CDK14: variants seen among roughly 807,000 people sequenced by gnomAD.
CDK14 encodes the protein cyclin-dependent kinase 14.
CDK14 carries 34 observed loss-of-function variants against 60.7 expected under a neutral mutation model. The observed-to-expected ratio is 0.56, with a 90% CI of 0.43 to 0.75. CDK14 has a LOEUF of 0.75. Ranked by LOEUF, CDK14 falls within the 30% of genes least tolerant of loss-of-function variation. The probability of loss-of-function intolerance (pLI) is 0.00; values close to 1 mark genes in which losing one functional copy is unlikely to be tolerated. For missense variants in CDK14, 482 were observed against 564.1 expected (o/e 0.85, Z 1.47); for synonymous variants, 197 against 203.7 (o/e 0.97, Z 0.28).
intron 14 of CDK14, among the ~76,000 whole-genome samples, chr7:91,125,592 T>A (rs1006670877): frequency 6.6e-6 from 1 of 152,086 alleles, no homozygotes; most frequent in African/African-American, 2.4e-5. Flanking sequence ...AAGAATAATT[T>A]TTCAGCAGTC....
At chr7:90,681,387 G>A (rs368312691) in intron 2 of CDK14, among the ~76,000 whole-genome samples, 8 of 152,260 alleles carry the variant, frequency 5.3e-5, no homozygotes, top group African/African-American at 1.9e-4. Flanking sequence ...AGGCTTGGTG[G>A]AGGTGACTCC....
At chr7:90,823,700 A>G (rs1156605248) in intron 5 of CDK14, among the ~76,000 whole-genome samples, 1 of 152,122 alleles carries the variant, frequency 6.6e-6, no homozygotes, top group Non-Finnish European at 1.5e-5. Flanking sequence ...AGACTGTTTA[A>G]CCTTTCCTCT....
intron 10 of CDK14, among the ~76,000 whole-genome samples, chr7:91,031,354 T>A (rs2115938212): frequency 6.6e-6 from 1 of 152,280 alleles, no homozygotes; most frequent in South Asian, 2.1e-4. Context: ...ATGAATAATA[T>A]TCCCTTTCGA....
intron 2 of CDK14, among the ~76,000 whole-genome samples, chr7:90,722,516 T>C (rs536325365): frequency 1.3e-5 from 2 of 152,324 alleles, no homozygotes; most frequent in South Asian, 4.1e-4. Flanking sequence ...AGTTGATTGT[T>C]TTCTACTTTT....
At position 91,118,122 on chromosome 7, in the gene CDK14, T is replaced by C; in HGVS notation, c.1352T>C (p.Met451Thr). 6.2e-7 allele frequency: 1 copy of C among 1,613,752 alleles called. No individual in the cohort carries two copies. The highest frequency in any genetic ancestry group is 1.1e-5 in the South Asian group (1 of 91,038). Residue 451 changes from methionine to threonine, a missense_variant, in exon 14 of 15, where the codon ATG (methionine) becomes ACG (threonine). Met to Thr is a moderately conservative substitution (Grantham distance 81). Coordinates refer to ENST00000380050, the MANE Select transcript of CDK14 (RefSeq NM_001287135.2). Reference protein sequence around the residue: ...VRLQPEAGESMRAFGKNNSYG... With the variant: ...VRLQPEAGESTRAFGKNNSYG... ...TTGCAACCAGAAGCTGGAGAAAGCA[T>C]GCGGGCCTTTGGGAAAAACAATAGT...
rs1297389220 is a variant in CDK14, at chr7:90,668,697, TTC to T, written c.124-57868_124-57867del. Among the ~76,000 whole-genome samples the T allele has an allele frequency of 9.2e-4, 70 of 76,090 alleles. 1 individual carries two copies. In the South Asian group the frequency reaches 9.4e-3, roughly 10 times the overall value. The allele number at this position is 76,090 out of a possible 152,430, so 49.9% of individuals were successfully genotyped here. On this transcript the variant is annotated intron_variant, in intron 2 of 14. Coordinates refer to ENST00000380050, the MANE Select transcript of CDK14 (RefSeq NM_001287135.2). ...TATATGGTGTAAGGAAGGACTCGCA[TTC>T]TTTTTTTTTTTTTTTTTTTTTTTTT...
intron 2 of CDK14, among the ~76,000 whole-genome samples, chr7:90,719,625 G>A (rs938276843): frequency 4.6e-5 from 7 of 152,146 alleles, no homozygotes; most frequent in African/African-American, 1.7e-4. Context: ...TTAATAATGA[G>A]TAGACCAAAT....
intron 6 of CDK14, 76 bp from the exon 7 acceptor site, chr7:90,899,215 G>T (rs1054705213): frequency 3.2e-5 from 39 of 1,210,186 alleles, no homozygotes; most frequent in Non-Finnish European, 4.4e-5. Flanking sequence ...GTAATGGTGA[G>T]TTTGAAGTAG....
chr7:91,077,475 A>G (rs1209313889), intron 11 of CDK14, among the ~76,000 whole-genome samples: 9 of 151,856 alleles, frequency 5.9e-5, no homozygotes, highest in South Asian at 4.2e-4. Context: ...GAAATATCAC[A>G]CACAGGGGCC....
chr7:90,870,608 G>A (rs1369643426), intron 6 of CDK14, among the ~76,000 whole-genome samples: 1 of 152,126 alleles, frequency 6.6e-6, no homozygotes, highest in Admixed American at 6.6e-5. Flanking sequence ...AGGAGAAAAA[G>A]ACACCTCATA....
At chr7:91,008,790 G>A (rs1438753376) in intron 10 of CDK14, among the ~76,000 whole-genome samples, 5 of 152,124 alleles carry the variant, frequency 3.3e-5, no homozygotes, top group Non-Finnish European at 7.4e-5. Flanking sequence ...AGAATACAAA[G>A]TTGTATTCCA....
intron 2 of CDK14, among the ~76,000 whole-genome samples, chr7:90,699,227 G>A (rs1421551482): frequency 6.6e-6 from 1 of 152,218 alleles, no homozygotes; most frequent in Non-Finnish European, 1.5e-5. Flanking sequence ...GAAAGTGCCA[G>A]ACTGATCTGA....
intron 10 of CDK14, among the ~76,000 whole-genome samples, chr7:91,002,270 C>T (rs1681753619): frequency 6.6e-6 from 1 of 152,148 alleles, no homozygotes. Context: ...AGCACTAGAT[C>T]AAATGATGTT....
chr7:90,790,514 A>G (rs1156848057), intron 4 of CDK14, 59 bp from the exon 5 acceptor site: 11 of 1,096,688 alleles, frequency 1.0e-5, no homozygotes, highest in Non-Finnish European at 1.5e-5. Flanking sequence ...TAAGGAAGAC[A>G]ATTAGAACTA....
chr7:90,839,954 C>A (rs952096550), intron 5 of CDK14, among the ~76,000 whole-genome samples: 4 of 152,110 alleles, frequency 2.6e-5, no homozygotes, highest in African/African-American at 9.7e-5. Flanking sequence ...ATACTGCATG[C>A]CTACTGTGTA....
At chr7:91,148,590 G>A (rs1800726941) in intron 14 of CDK14, among the ~76,000 whole-genome samples, 4 of 152,146 alleles carry the variant, frequency 2.6e-5, no homozygotes, top group Admixed American at 1.3e-4. Flanking sequence ...TACAATGTCA[G>A]GTGAGCCATA....
At chr7:90,910,073 C>T (rs988278895) in intron 7 of CDK14, among the ~76,000 whole-genome samples, 1 of 152,160 alleles carries the variant, frequency 6.6e-6, no homozygotes, top group African/African-American at 2.4e-5. Flanking sequence ...GTGTCTTATA[C>T]CATCCCAGTA....
intron 2 of CDK14, among the ~76,000 whole-genome samples, chr7:90,648,874 A>T (rs948807698): frequency 6.6e-6 from 1 of 152,192 alleles, no homozygotes; most frequent in Admixed American, 6.5e-5. Flanking sequence ...ACTTATTTTT[A>T]TTCAGAAAAG....
intron 10 of CDK14, among the ~76,000 whole-genome samples, chr7:91,044,319 C>G (rs2116016185): frequency 6.6e-6 from 1 of 152,262 alleles, no homozygotes; most frequent in East Asian, 1.9e-4. Flanking sequence ...ACCTAAAGAC[C>G]TGGAATCAAT....
Sources: gnomAD v4.1 joint callset for allele counts (sites outside exome capture counted in the v4.1 genomes callset) on GRCh38, gnomAD v4.1.1 for gene constraint, MANE v1.5 for transcripts, NCBI Gene and HGNC (gene_info 2026-07-23, HGNC 2026-07-21) for gene names.